The following R3HCC1L variants were observed in gnomAD, a reference collection of about 807,000 sequenced individuals.
R3HCC1L encodes R3H domain and coiled-coil containing 1 like.
In R3HCC1L, 51 loss-of-function variants were observed where a neutral mutation model predicts 59.9. The observed-to-expected ratio is 0.85, with a 90% confidence interval of 0.68 to 1.07. The LOEUF (loss-of-function observed/expected upper bound fraction) is 1.07. R3HCC1L is among the 50% of genes least tolerant of loss of function. The probability of loss-of-function intolerance (pLI) is 0.00; values close to 1 mark genes in which losing one functional copy is unlikely to be tolerated. For synonymous variants in R3HCC1L, 322 were observed against 315.2 expected (o/e 1.02, Z -0.23); for missense variants, 965 against 933.0 (o/e 1.03, Z -0.45).
chr10:98,238,991 A>G (rs1043335798), intron 9 of R3HCC1L, among the ~76,000 whole-genome samples: 1 of 152,208 alleles, frequency 6.6e-6, no homozygotes, highest in East Asian at 1.9e-4. Context: ...ATTGTTTAGA[A>G]ATGAGGAAAT....
chr10:98,162,468 T>G (rs922677988), intron 2 of R3HCC1L, among the ~76,000 whole-genome samples: 12 of 152,218 alleles, frequency 7.9e-5, no homozygotes, highest in African/African-American at 2.7e-4. Flanking sequence ...TTATTGCTCT[T>G]TTTTAATATT....
At chr10:98,210,987 G>A (rs1030882661) in intron 5 of R3HCC1L, among the ~76,000 whole-genome samples, 6 of 152,170 alleles carry the variant, frequency 3.9e-5, no homozygotes, top group Middle Eastern at 6.3e-3. Flanking sequence ...CACCTCATTC[G>A]TGGGAGCTGT....
At position 98,209,822 on chromosome 10, in the gene R3HCC1L, A is replaced by G; in HGVS notation, c.1708A>G (p.Ile570Val). The G allele has an allele frequency of 6.2e-7, 1 of 1,613,840 alleles. No homozygotes were observed. Among genetic ancestry groups the G allele is most frequent in the African/African-American group, 1.3e-5 (1 of 75,046 alleles). ...AACTGAAACTTCTCACACAGAGGGA[A>G]TTACTGCCATTGAGGAGAGCTGGGA... is the stretch of plus-strand genomic sequence containing the variant. The part of the protein sequence containing the change: ...KATETSHTEG[I>V]TAIEESWESM... Residue 570 changes from isoleucine (I) to valine (V), a missense_variant, in exon 5 of 10, where the codon ATT becomes GTT. Coordinates refer to ENST00000298999, the MANE Select transcript of R3HCC1L (RefSeq NM_001351015.2).
chr10:98,192,355 A>G (rs968813645), intron 4 of R3HCC1L, among the ~76,000 whole-genome samples: 2 of 152,152 alleles, frequency 1.3e-5, no homozygotes, highest in Non-Finnish European at 2.9e-5. Flanking sequence ...AAGAAACTAA[A>G]TAGTTTGGCA....
At chr10:98,235,274 A>ATAATTAC in intron 7 of R3HCC1L, 151 bp from the exon 8 acceptor site, 1 of 656,972 alleles carries the variant, frequency 1.5e-6, no homozygotes, top group Non-Finnish European at 2.6e-6. Context: ...CTGATCTAAA[A>ATAATTAC]TAATTACTGC....
chr10:98,143,478 T>A (rs1050079247), intron 1 of R3HCC1L, among the ~76,000 whole-genome samples: 1 of 152,238 alleles, frequency 6.6e-6, no homozygotes, highest in Non-Finnish European at 1.5e-5. Context: ...TATTAGTCAC[T>A]GTGACATTGC....
chr10:98,235,441 T>TTA lies in R3HCC1L; in HGVS notation c.2049_2050insTA (p.Ile684Ter), dbSNP rs1318785476. 1 of 1,613,582 alleles carries TTA rather than the reference T, an allele frequency of 6.2e-7. No individual in the cohort carries two copies. Among genetic ancestry groups the TTA allele is most frequent in the Admixed American group, 1.7e-5 (1 of 59,922 alleles). On this transcript the variant is annotated frameshift_variant, in exon 8 of 10. Transcript: ENST00000298999. LOFTEE classifies it high-confidence loss of function. ...TCTTTGCAGCTCGTGATGCGTTGGG[T>TTA]ATTAAACACACCATGGTGAAGATTC...
intron 4 of R3HCC1L, among the ~76,000 whole-genome samples, chr10:98,184,715 A>G (rs75715156): frequency 0.025 from 3,771 of 152,262 alleles, 148 homozygotes; most frequent in African/African-American, 0.081. Context: ...TCCAGTCTCC[A>G]TTTTAGCTAG....
chr10:98,218,786 CTAT>C (rs1216662538), intron 5 of R3HCC1L, among the ~76,000 whole-genome samples: 1 of 152,118 alleles, frequency 6.6e-6, no homozygotes, highest in Non-Finnish European at 1.5e-5. Context: ...AAGCCCCCAG[CTAT>C]TATTGTATTG....
chr10:98,201,097 G>A (rs2135104184), intron 4 of R3HCC1L, among the ~76,000 whole-genome samples: 2 of 152,270 alleles, frequency 1.3e-5, no homozygotes, highest in Middle Eastern at 6.8e-3. Context: ...GACATTGAAT[G>A]TTCCATATTT....
chr10:98,177,716 C>T (rs545501838), intron 4 of R3HCC1L, among the ~76,000 whole-genome samples: 88 of 152,192 alleles, frequency 5.8e-4, no homozygotes, highest in South Asian at 2.7e-3. Context: ...TTTTAACGAT[C>T]GCCATTCTAA....
chr10:98,207,400 C>T (rs1852812908), intron 4 of R3HCC1L, among the ~76,000 whole-genome samples: 2 of 152,254 alleles, frequency 1.3e-5, no homozygotes, highest in African/African-American at 4.8e-5. Context: ...CAGGGAGTTA[C>T]TAGAGTGAAT....
chr10:98,235,967 A>G, intron 8 of R3HCC1L, 57 bp from the exon 9 acceptor site: 2 of 1,534,852 alleles, frequency 1.3e-6, no homozygotes, highest in Non-Finnish European at 1.8e-6. Context: ...AATCACTTGA[A>G]GCTAGAGTGC....
At chr10:98,235,134 G>A (rs1287675675) in intron 7 of R3HCC1L, among the ~76,000 whole-genome samples, 1 of 152,276 alleles carries the variant, frequency 6.6e-6, no homozygotes, top group South Asian at 2.1e-4. Context: ...GAGCAAGAAA[G>A]CAGCCATAGA....
At chr10:98,184,901 A>G (rs1037340905) in intron 4 of R3HCC1L, among the ~76,000 whole-genome samples, 6 of 152,120 alleles carry the variant, frequency 3.9e-5, no homozygotes, top group Admixed American at 3.3e-4. Flanking sequence ...GGTGTTTACT[A>G]TAGGTAAAGT....
intron 4 of R3HCC1L, among the ~76,000 whole-genome samples, chr10:98,204,225 A>G (rs1339421726): frequency 1.3e-5 from 2 of 152,194 alleles, no homozygotes; most frequent in Non-Finnish European, 2.9e-5. Flanking sequence ...CCTGACCAAC[A>G]TAGAGAAACC....
At chr10:98,157,700 G>A (rs1847019759) in intron 2 of R3HCC1L, among the ~76,000 whole-genome samples, 1 of 152,050 alleles carries the variant, frequency 6.6e-6, no homozygotes, top group African/African-American at 2.4e-5. Flanking sequence ...TCTCTTCTCT[G>A]CTGTCTATCC....
intron 4 of R3HCC1L, among the ~76,000 whole-genome samples, chr10:98,199,639 G>A (rs1320038271): frequency 6.6e-6 from 1 of 151,682 alleles, no homozygotes; most frequent in Non-Finnish European, 1.5e-5. Flanking sequence ...ATACACTTAA[G>A]AGAAATTCTT....
At position 98,219,057 on chromosome 10, in the gene R3HCC1L, G is replaced by A. The variant is rs561685955; in HGVS notation, c.1785+9158G>A. Among the ~76,000 whole-genome samples, 10 of 152,156 alleles carry A rather than the reference G, an allele frequency of 6.6e-5. No individual in the cohort carries two copies. The South Asian group carries it at 8.3e-4, about 13-fold the overall frequency. On this transcript the variant is annotated intron_variant, in intron 5 of 9. Coordinates refer to ENST00000298999, the MANE Select transcript of R3HCC1L (RefSeq NM_001351015.2). ...TTCCTGAGTAGCTGGGATTATAGGC[G>A]CATGCTATTATGCTCAGCTAATTTG... is the stretch of plus-strand genomic sequence containing the variant.
Sources: allele counts gnomAD v4.1 joint callset (sites outside exome capture counted in the v4.1 genomes callset), GRCh38; gene constraint gnomAD v4.1.1; transcripts MANE v1.5; gene names NCBI Gene and HGNC (gene_info 2026-07-23, HGNC 2026-07-21).